The following UPP2 variants were observed in gnomAD, a reference collection of about 807,000 sequenced individuals.
UPP2 encodes the protein UPase 2.
In UPP2, 23 loss-of-function variants were observed where a neutral mutation model predicts 26.7. That is an observed-to-expected ratio of 0.86 (90% CI 0.62 to 1.22). The LOEUF is 1.22. Ranked by LOEUF, UPP2 falls within the 50% of genes most tolerant of loss-of-function variation. UPP2 has a pLI of 0.00. For synonymous variants in UPP2, 127 were observed against 141.3 expected, an observed-to-expected ratio of 0.90 and a Z score of 0.72; for missense variants, 387 against 396.7, an observed-to-expected ratio of 0.98 and a Z score of 0.21.
intron 3 of UPP2, among the ~76,000 whole-genome samples, chr2:158,029,861 C>T (rs1198039716): frequency 6.7e-6 from 1 of 149,962 alleles, no homozygotes; most frequent in Non-Finnish European, 1.5e-5. Context: ...TCAATCACTG[C>T]TAGTTCTACA....
At chr2:158,082,540 C>T (rs748942199) in intron 3 of UPP2, among the ~76,000 whole-genome samples, 1 of 152,084 alleles carries the variant, frequency 6.6e-6, no homozygotes, top group East Asian at 1.9e-4. Context: ...CTTCCTTACA[C>T]CTTATACAAA....
chr2:158,053,568 C>T (rs181880531), intron 3 of UPP2, among the ~76,000 whole-genome samples: 249 of 152,214 alleles, frequency 1.6e-3, no homozygotes, highest in Admixed American at 2.7e-3. Flanking sequence ...TATAACCATT[C>T]GTAGAACAAG....
intron 3 of UPP2, among the ~76,000 whole-genome samples, chr2:158,042,316 C>G (rs74632057): frequency 0.017 from 2,648 of 152,180 alleles, 91 homozygotes; most frequent in East Asian, 0.13. Flanking sequence ...GAAGAACAAC[C>G]CCCCTCGCTT....
intron 3 of UPP2, among the ~76,000 whole-genome samples, chr2:158,031,680 A>G (rs565364214): frequency 3.5e-4 from 54 of 152,336 alleles, no homozygotes; most frequent in African/African-American, 5.5e-4. Flanking sequence ...AATCAGATAC[A>G]TGAACTTCTT....
rs369916407 is a variant in UPP2 at position 158,089,165 on chromosome 2, G to A, written c.148-12875G>A. Among the ~76,000 whole-genome samples, 25 of 152,190 alleles carry A rather than the reference G, an allele frequency of 1.6e-4. 1 individual carries two copies. The highest frequency in any genetic ancestry group is 5.3e-4 in the African/African-American group (22 of 41,534). ...CTTGTGGGGTCTTGCAGTGGCTGCTGGGGGGATAGGGGTGTGGTTCTCAGG... is the reference window on the plus strand; with the variant it reads ...CTTGTGGGGTCTTGCAGTGGCTGCTAGGGGGATAGGGGTGTGGTTCTCAGG... On this transcript the variant is annotated intron_variant, in intron 3 of 9. Coordinates refer to the UPP2 transcript ENST00000605860.
intron 3 of UPP2, among the ~76,000 whole-genome samples, chr2:158,049,017 G>T (rs1164795051): frequency 6.6e-6 from 1 of 152,176 alleles, no homozygotes; most frequent in African/African-American, 2.4e-5. Context: ...AGTGCAGTGG[G>T]TGTGAGCCCT....
At chr2:158,051,099 A>G (rs192954483) in intron 3 of UPP2, among the ~76,000 whole-genome samples, 43 of 151,994 alleles carry the variant, frequency 2.8e-4, no homozygotes, top group Non-Finnish European at 2.8e-4. Context: ...ATAAATAAAT[A>G]TATCTACTAT....
intron 3 of UPP2, among the ~76,000 whole-genome samples, chr2:158,025,845 T>C (rs1197150086): frequency 6.6e-6 from 1 of 151,928 alleles, no homozygotes; most frequent in Non-Finnish European, 1.5e-5. Context: ...CGTAGAGAGG[T>C]CAGTAGAAGG....
rs537614373 is a variant in UPP2 at position 158,083,885 on chromosome 2, C to A, written c.148-18155C>A. On this transcript the variant is annotated intron_variant, in intron 3 of 9. Coordinates refer to the UPP2 transcript ENST00000605860. ...ATGTTTTTTATATATATATATATAT[C>A]TCACAAGTTCTTTATCTATGGTGAT... Among the ~76,000 whole-genome samples the A allele has an allele frequency of 1.2e-4, 16 of 138,230 alleles. No individual in the cohort carries two copies. The South Asian group carries it at 3.1e-3, about 27-fold the overall frequency. The allele number at this position is 138,230 out of a possible 152,430, so 90.7% of individuals were successfully genotyped here. A position where few individuals can be genotyped will look rare whatever the true frequency, so the allele number is the denominator to read the frequency against.
intron 3 of UPP2, among the ~76,000 whole-genome samples, chr2:158,075,062 A>G (rs1345968884): frequency 2.0e-5 from 3 of 152,166 alleles, no homozygotes; most frequent in Admixed American, 1.3e-4. Flanking sequence ...TGGTCAGTTC[A>G]GCAAGAGAAA....
At chr2:158,134,341 C>G (rs1683886844) in intron 6 of UPP2, among the ~76,000 whole-genome samples, 1 of 152,174 alleles carries the variant, frequency 6.6e-6, no homozygotes, top group South Asian at 2.1e-4. Flanking sequence ...AAAAATGTCA[C>G]CTTGGGAATT....
intron 3 of UPP2, among the ~76,000 whole-genome samples, chr2:158,056,476 G>T (rs1574266381): frequency 6.6e-6 from 1 of 152,108 alleles, no homozygotes; most frequent in Admixed American, 6.5e-5. Context: ...CAAACTGGTG[G>T]CTTAAAAATA....
At chr2:158,075,237 A>T (rs1470052257) in intron 3 of UPP2, among the ~76,000 whole-genome samples, 1 of 152,132 alleles carries the variant, frequency 6.6e-6, no homozygotes, top group Non-Finnish European at 1.5e-5. Context: ...ATTAACAAAG[A>T]AACATTGGAT....
intron 2 of UPP2, among the ~76,000 whole-genome samples, chr2:158,114,422 T>C (rs576373036): frequency 1.3e-5 from 2 of 152,328 alleles, no homozygotes; most frequent in African/African-American, 4.8e-5. Context: ...ATTACCATCT[T>C]CTATTAGACA....
Position 158,102,089 on chromosome 2 carries a change from A to C in UPP2, c.26A>C (p.Asn9Thr), listed in dbSNP as rs773476098. ...ATGGCTTCAGTTATACCTGCCTCCA[A>C]TAGGTCCATGAGATCTGACAGGAAT... MASVIPASNRSMRSDRNTY... is the reference protein window; with the variant it reads MASVIPASTRSMRSDRNTY... Residue 9 changes from asparagine (N) to threonine (T), a missense_variant, in exon 1 of 7, where the codon AAT (asparagine) becomes ACT (threonine). Coordinates refer to ENST00000005756, the MANE Select transcript of UPP2 (RefSeq NM_173355.4). 6.2e-7 allele frequency: 1 copy of C among 1,613,452 alleles called. No individual in the cohort carries two copies. Among genetic ancestry groups the C allele is most frequent in the African/African-American group, 1.3e-5 (1 of 74,882 alleles).
intron 2 of UPP2, among the ~76,000 whole-genome samples, chr2:158,108,113 G>T (rs1052930479): frequency 9.2e-5 from 14 of 152,170 alleles, no homozygotes; most frequent in Non-Finnish European, 5.9e-5. Flanking sequence ...ACATTTAAAA[G>T]ACTTGAGATA....
chr2:158,116,486 G>C (rs931144633), intron 3 of UPP2, among the ~76,000 whole-genome samples: 2 of 152,198 alleles, frequency 1.3e-5, no homozygotes, highest in African/African-American at 4.8e-5. Context: ...TGAAATATGT[G>C]TGATGCCAAG....
chr2:158,012,301 C>A, intron 2 of UPP2, among the ~76,000 whole-genome samples: 1 of 118,178 alleles, frequency 8.5e-6, no homozygotes, highest in Non-Finnish European at 1.7e-5. Context: ...GAGGGGGTCT[C>A]CAGTTGCCCA....
intron 6 of UPP2, among the ~76,000 whole-genome samples, chr2:158,129,230 T>A (rs1683758850): frequency 6.6e-6 from 1 of 152,022 alleles, no homozygotes; most frequent in African/African-American, 2.4e-5. Context: ...GGAGGCTATC[T>A]GGATTCCCCT....
Sources: gnomAD v4.1 joint callset for allele counts (sites outside exome capture counted in the v4.1 genomes callset) on GRCh38, gnomAD v4.1.1 for gene constraint, MANE v1.5 for transcripts, NCBI Gene and HGNC (gene_info 2026-07-23, HGNC 2026-07-21) for gene names.